Variants in TNRC6B observed in about 807,000 individuals in gnomAD.
TNRC6B encodes the protein trinucleotide repeat-containing gene 6B protein.
Under a neutral mutation model 203.6 loss-of-function variants are expected in TNRC6B, and 52 were observed. The ratio of observed to expected loss-of-function variants is 0.26; its 90% CI spans 0.20 to 0.32. The LOEUF (loss-of-function observed/expected upper bound fraction) is 0.32, where lower values mean the gene tolerates loss of function less well. Among genes scored for constraint, TNRC6B ranks in the 10% least tolerant of loss-of-function variants. The pLI is 1.00. For missense variants in TNRC6B, 1,923 were observed against 2,286.2 expected, an observed-to-expected ratio of 0.84 and a Z score of 3.24; for synonymous variants, 838 against 845.7, an observed-to-expected ratio of 0.99 and a Z score of 0.16.
chr22:40,306,729 TA>T (rs1369722683), intron 15 of TNRC6B, among the ~76,000 whole-genome samples: 2 of 152,184 alleles, frequency 1.3e-5, no homozygotes, highest in East Asian at 3.8e-4. Flanking sequence ...CTCATGCCTG[TA>T]ATCCCAGCAC....
intron 1 of TNRC6B, among the ~76,000 whole-genome samples, chr22:40,083,934 G>A (rs1007899916): frequency 4.6e-5 from 7 of 152,124 alleles, no homozygotes; most frequent in Non-Finnish European, 8.8e-5. Flanking sequence ...CTTGCAGAGG[G>A]GAGAGTAGGA....
intron 19 of TNRC6B, 125 bp downstream of exon 19, chr22:40,313,122 A>T (rs2071209075): frequency 5.6e-6 from 4 of 712,042 alleles, no homozygotes; most frequent in Admixed American, 2.7e-5. Flanking sequence ...ATAGGTCAGT[A>T]TAGATGGAAG....
chr22:40,229,119 G>A (rs1300798101), intron 1 of TNRC6B, among the ~76,000 whole-genome samples: 1 of 152,162 alleles, frequency 6.6e-6, no homozygotes, highest in African/African-American at 2.4e-5. Context: ...CTGATCGAAG[G>A]AAAGTTCAGT....
intron 1 of TNRC6B, among the ~76,000 whole-genome samples, chr22:40,090,516 T>C (rs1194320172): frequency 1.3e-5 from 2 of 152,182 alleles, no homozygotes; most frequent in African/African-American, 4.8e-5. Flanking sequence ...TCAGGTCTTT[T>C]ACCATTTTTA....
chr22:40,259,800 C>T (rs957826227), intron 3 of TNRC6B, among the ~76,000 whole-genome samples: 16 of 152,190 alleles, frequency 1.1e-4, no homozygotes, highest in Admixed American at 3.3e-4. Context: ...ATGCTGGCCC[C>T]GCATCATTTT....
At chr22:40,230,985 G>A (rs1414071466) in intron 1 of TNRC6B, among the ~76,000 whole-genome samples, 1 of 151,940 alleles carries the variant, frequency 6.6e-6, no homozygotes, top group African/African-American at 2.4e-5. Context: ...ATCATTTGTT[G>A]AAAACACTCT....
intron 1 of TNRC6B, among the ~76,000 whole-genome samples, chr22:40,224,799 A>G (rs555159356): frequency 1.3e-5 from 2 of 152,190 alleles, no homozygotes; most frequent in Admixed American, 6.5e-5. Flanking sequence ...GGTATGAGGT[A>G]TGGGTCTGAT....
chr22:40,254,394 C>G (rs771405617), intron 3 of TNRC6B, among the ~76,000 whole-genome samples: 2 of 152,112 alleles, frequency 1.3e-5, no homozygotes, highest in Non-Finnish European at 2.9e-5. Context: ...GTGGCACAGG[C>G]GTGTAATCCC....
In TNRC6B at chr22:40,264,755, C is replaced by T; in HGVS notation, c.525C>T (p.Ser175=). The change falls in exon 5 of 23, where the codon TCC becomes TCT. Residue 175 remains serine (S), a synonymous_variant. Coordinates refer to ENST00000454349, the MANE Select transcript of TNRC6B (RefSeq NM_001162501.2). ...ANSTWGSGAS[S]NNGTSPNPIH... is the part of the protein sequence containing the mutation. Reference sequence around the variant, plus strand: ...CCACTTGGGGCTCGGGAGCCTCCTCCAACAACGGCACCTCCCCCAACCCAA... The same window carrying T: ...CCACTTGGGGCTCGGGAGCCTCCTCTAACAACGGCACCTCCCCCAACCCAA... 1 of 1,611,464 alleles carries T rather than the reference C, an allele frequency of 6.2e-7. No homozygotes were observed. Among genetic ancestry groups the T allele is most frequent in the Non-Finnish European group, 8.5e-7 (1 of 1,178,436 alleles).
rs117322240 is a variant in TNRC6B, at chr22:40,219,020, G to A, written c.6-26995G>A. Among the ~76,000 whole-genome samples, 625 of 152,348 alleles carry A rather than the reference G, an allele frequency of 4.1e-3. 1 individual carries two copies. The highest frequency in any genetic ancestry group is 6.7e-3 in the Non-Finnish European group (454 of 68,040). ...CTTGCCTCTTGAGTTTTCAGGCTGAGCTAGGCAGATGACATCATACACACA... is the reference window on the plus strand; with the variant it reads ...CTTGCCTCTTGAGTTTTCAGGCTGAACTAGGCAGATGACATCATACACACA... On this transcript the variant is annotated intron_variant, in intron 1 of 22. Transcript: ENST00000454349.
At chr22:40,278,432 C>T (rs1241968224) in intron 9 of TNRC6B, among the ~76,000 whole-genome samples, 5 of 151,938 alleles carry the variant, frequency 3.3e-5, no homozygotes, top group African/African-American at 1.2e-4. Flanking sequence ...GTGTGGCGCA[C>T]CTGTAGTCCC....
At chr22:40,064,899 G>C (rs1484958150) in intron 1 of TNRC6B, among the ~76,000 whole-genome samples, 3 of 152,082 alleles carry the variant, frequency 2.0e-5, no homozygotes, top group Non-Finnish European at 4.4e-5. Context: ...TTACAGGCGT[G>C]AGCCACTGCA....
chr22:40,094,893 A>C (rs2068175771), intron 1 of TNRC6B, among the ~76,000 whole-genome samples: 2 of 151,966 alleles, frequency 1.3e-5, no homozygotes, highest in African/African-American at 4.8e-5. Flanking sequence ...ATTTTTGCTA[A>C]TTTCGTATGA....
At chr22:40,292,343 A>G (rs1259547355) in intron 12 of TNRC6B, among the ~76,000 whole-genome samples, 1 of 137,270 alleles carries the variant, frequency 7.3e-6, no homozygotes, top group Non-Finnish European at 1.6e-5. Context: ...ACAGAGTGAG[A>G]CTCCATCTCA....
chr22:40,107,966 C>T (rs956937726), intron 1 of TNRC6B, among the ~76,000 whole-genome samples: 7 of 150,776 alleles, frequency 4.6e-5, no homozygotes, highest in African/African-American at 1.7e-4. Context: ...TTACAGTGCG[C>T]AAGATGCACA....
intron 15 of TNRC6B, among the ~76,000 whole-genome samples, chr22:40,305,804 C>G (rs1348542060): frequency 6.6e-6 from 1 of 152,192 alleles, no homozygotes; most frequent in African/African-American, 2.4e-5. Context: ...CCCGCTTTCT[C>G]TAAGGTTCTT....
chr22:40,046,185 CAGT>C (rs1330336829), intron 1 of TNRC6B, among the ~76,000 whole-genome samples: 4 of 152,316 alleles, frequency 2.6e-5, no homozygotes, highest in Non-Finnish European at 2.9e-5. Flanking sequence ...TGGGAGATTT[CAGT>C]AGTATAAGGT....
At chr22:40,289,597 C>A (rs2070841481) in intron 12 of TNRC6B, among the ~76,000 whole-genome samples, 1 of 152,202 alleles carries the variant, frequency 6.6e-6, no homozygotes, top group Non-Finnish European at 1.5e-5. Flanking sequence ...GGTTCTCCAT[C>A]TGCCTCTCCT....
intron 12 of TNRC6B, 71 bp from the exon 13 acceptor site, chr22:40,300,384 G>GA: frequency 7.1e-7 from 1 of 1,401,228 alleles, no homozygotes; most frequent in African/African-American, 1.5e-5. Context: ...TCTTTTCACA[G>GA]AAAAACAGTT....
Sources: gnomAD v4.1 joint callset for allele counts (sites outside exome capture counted in the v4.1 genomes callset) on GRCh38, gnomAD v4.1.1 for gene constraint, MANE v1.5 for transcripts, NCBI Gene and HGNC (gene_info 2026-07-23, HGNC 2026-07-21) for gene names.